Variants in ACLY observed in about 807,000 individuals in gnomAD.
ACLY encodes ATP citrate lyase, also known as ATP-citrate synthase.
In ACLY, 41 loss-of-function variants were observed where a neutral mutation model predicts 133.0. The ratio of observed to expected loss-of-function variants is 0.31; its 90% confidence interval spans 0.24 to 0.40. The LOEUF is 0.40. ACLY is among the 10% of genes least tolerant of loss of function. The probability of loss-of-function intolerance (pLI) is 1.00; values close to 1 mark genes in which losing one functional copy is unlikely to be tolerated. For synonymous variants in ACLY, 495 were observed against 549.3 expected (o/e 0.90, Z 1.38); for missense variants, 1,046 against 1,453.8 (o/e 0.72, Z 4.56).
intron 7 of ACLY, 33 bp downstream of exon 7, chr17:41,907,409 C>A (rs201197177): frequency 1.5e-5 from 24 of 1,603,174 alleles, no homozygotes; most frequent in Non-Finnish European, 1.9e-5. Flanking sequence ...CGCCCTCCCC[C>A]CAGTCCCCAT....
rs1567879204 is a variant in ACLY at position 41,867,617 on chromosome 17, AT to A, written c.*192del. 1 of 403,316 alleles carries A rather than the reference AT, an allele frequency of 2.5e-6. No homozygotes were observed. The highest frequency in any genetic ancestry group is 4.4e-6 in the Non-Finnish European group (1 of 226,268). The allele number at this position is 403,316 out of a possible 1,614,324, so 25.0% of individuals were successfully genotyped here. On this transcript the variant is annotated 3_prime_UTR_variant, in exon 29 of 29. Transcript: ENST00000352035. ...TTTTATTTCTATGCTTATAAAAAAA[AT>A]ATGAAGCTTCTTTGTGTGGACTGAA...
At chr17:41,899,729 A>T (rs1225876067) in intron 11 of ACLY, among the ~76,000 whole-genome samples, 4 of 152,124 alleles carry the variant, frequency 2.6e-5, no homozygotes, top group Admixed American at 6.6e-5. Context: ...CACTGCACAT[A>T]GCAGATCCTC....
Position 41,866,978 on chromosome 17 carries a change from T to A in ACLY, c.*832A>T, listed in dbSNP as rs1385069850. The A allele has an allele frequency of 2.0e-5, 3 of 152,584 alleles. No homozygotes were observed. The highest frequency in any genetic ancestry group is 4.4e-5 in the Non-Finnish European group (3 of 68,052). 9.5% of individuals were successfully genotyped at this position (152,584 alleles called of 1,614,324 possible). ...GACTATGATAATACAGAGAAGAGACTGAGGTGGCAGCTGCCCAGAATCTTT... is the reference window on the plus strand; with the variant it reads ...GACTATGATAATACAGAGAAGAGACAGAGGTGGCAGCTGCCCAGAATCTTT... On this transcript the variant is annotated 3_prime_UTR_variant, in exon 29 of 29. Coordinates refer to ENST00000352035, the MANE Select transcript of ACLY (RefSeq NM_001096.3).
chr17:41,872,064 C>A lies in ACLY; in HGVS notation c.2761G>T (p.Val921Phe). The change falls in exon 24 of 29, where the codon GTC (valine) becomes TTC (phenylalanine). Residue 921 changes from valine to phenylalanine, a missense_variant. Around this residue, in one of 4 missense-constraint regions of ACLY, gnomAD observed 205 missense variants for 373.3 expected, o/e 0.55. Coordinates refer to ENST00000352035, the MANE Select transcript of ACLY (RefSeq NM_001096.3). ...IICARAGKDL[V>F]SSLTSGLLTI... ...AGCAGCCCCGAGGTGAGGCTGGAGA[C>A]CAGGTCTTTCCCAGCTCGCGCACAA... The A allele has an allele frequency of 6.2e-7, 1 of 1,614,056 alleles. No individual in the cohort carries two copies. The highest frequency in any genetic ancestry group is 8.5e-7 in the Non-Finnish European group (1 of 1,179,984).
intron 18 of ACLY, among the ~76,000 whole-genome samples, chr17:41,884,496 G>A (rs917264000): frequency 6.6e-6 from 1 of 152,198 alleles, no homozygotes; most frequent in African/African-American, 2.4e-5. Flanking sequence ...AACTTGCAAA[G>A]GAAAAGACTG....
At position 41,912,533 on chromosome 17, in the gene ACLY, C is replaced by T. The variant is rs1486723726; in HGVS notation, c.169G>A (p.Val57Ile). The T allele has an allele frequency of 1.2e-6, 2 of 1,614,052 alleles. No homozygotes were observed. The highest frequency in any genetic ancestry group is 2.7e-5 in the African/African-American group (2 of 74,940). ...HPWLLSQNLV[V>I]KPDQLIKRRG... The stretch of plus-strand genomic sequence containing the variant: ...CGTTTGATCAGCTGGTCTGGCTTGA[C>T]TACCAAGTTCTGGAACAAAAGCGGT... Residue 57 changes from valine (V) to isoleucine (I), a missense_variant, in exon 3 of 29, where the codon GTC (valine) becomes ATC (isoleucine). Around this residue, in one of 4 missense-constraint regions of ACLY, gnomAD observed 227 missense variants for 245.6 expected, o/e 0.92. Coordinates refer to ENST00000352035, the MANE Select transcript of ACLY (RefSeq NM_001096.3).
chr17:41,867,736 C>T lies in ACLY; in HGVS notation c.*74G>A. ...CTGCTAAATAAAGCAGGCTCCACTG[C>T]CAGCTGTCTGTACACTTTTTCTTGG... On this transcript the variant is annotated 3_prime_UTR_variant, in exon 29 of 29. Coordinates refer to ENST00000352035, the MANE Select transcript of ACLY (RefSeq NM_001096.3). 4.0e-6 allele frequency: 5 copies of T among 1,257,560 alleles called. No individual in the cohort carries two copies. The South Asian group carries it at 7.1e-5, about 18-fold the overall frequency. The allele number at this position is 1,257,560 out of a possible 1,614,324, so 77.9% of individuals were successfully genotyped here.
chr17:41,891,303 A>G (rs900320328), intron 16 of ACLY, among the ~76,000 whole-genome samples: 2 of 152,184 alleles, frequency 1.3e-5, no homozygotes, highest in Non-Finnish European at 2.9e-5. Flanking sequence ...AACACAAGCC[A>G]TGGCATCCAG....
intron 22 of ACLY, among the ~76,000 whole-genome samples, chr17:41,877,059 A>G (rs2048779552): frequency 6.6e-6 from 1 of 152,096 alleles, no homozygotes; most frequent in Non-Finnish European, 1.5e-5. Context: ...TATTTCTCCA[A>G]TTATCCTCTA....
intron 1 of ACLY, 112 bp downstream of exon 1, chr17:41,918,768 C>T (rs938822104): frequency 2.5e-6 from 3 of 1,218,126 alleles, no homozygotes; most frequent in Middle Eastern, 2.3e-4. Context: ...CCGAGCAGGG[C>T]GCGTGGGCAC....
chr17:41,894,983 G>A (rs562991193), intron 14 of ACLY, among the ~76,000 whole-genome samples: 246 of 152,274 alleles, frequency 1.6e-3, no homozygotes, highest in Middle Eastern at 3.4e-3. Context: ...CATGACAGAA[G>A]GTTCCTGATG....
chr17:41,888,473 G>GA (rs1298261724), intron 16 of ACLY, among the ~76,000 whole-genome samples: 12 of 152,362 alleles, frequency 7.9e-5, no homozygotes, highest in Middle Eastern at 3.4e-3. Flanking sequence ...GCGTTTAAGA[G>GA]AAATGAGCTG....
At position 41,886,002 on chromosome 17, in the gene ACLY, C is replaced by T. The variant is rs1361186367; in HGVS notation, c.2072+110G>A. The stretch of plus-strand genomic sequence containing the variant: ...CCATTGTTTAGACTTCAGCAGCATT[C>T]CTGCGGGCCTGGAACTCAGGGGCAG... On this transcript the variant is annotated intron_variant, in intron 18 of 28. Coordinates refer to ENST00000352035, the MANE Select transcript of ACLY (RefSeq NM_001096.3). 3.8e-6 allele frequency: 4 copies of T among 1,040,998 alleles called. No individual in the cohort carries two copies. The African/African-American group carries it at 6.3e-5, about 16-fold the overall frequency. 64.5% of individuals were successfully genotyped at this position (1,040,998 alleles called of 1,614,324 possible). A position where few individuals can be genotyped will look rare whatever the true frequency, so the allele number is the denominator to read the frequency against.
At chr17:41,893,253 A>T in intron 14 of ACLY, 79 bp from the exon 15 acceptor site, 1 of 1,482,222 alleles carries the variant, frequency 6.7e-7, no homozygotes, top group East Asian at 2.4e-5. Flanking sequence ...TGCCTGACAG[A>T]CCCCTCCACG....
At chr17:41,886,493 T>C (rs1217879641) in intron 17 of ACLY, among the ~76,000 whole-genome samples, 185 bp from the exon 18 acceptor site, 1 of 152,194 alleles carries the variant, frequency 6.6e-6, no homozygotes, top group African/African-American at 2.4e-5. Context: ...TCAAGAGACA[T>C]ACAGAACAAA....
At chr17:41,881,365 G>A (rs1399642150) in intron 20 of ACLY, among the ~76,000 whole-genome samples, 1 of 148,370 alleles carries the variant, frequency 6.7e-6, no homozygotes, top group Non-Finnish European at 1.5e-5. Flanking sequence ...AGAGGCTGCG[G>A]TGAGCTGAGA....
At chr17:41,889,984 C>A (rs1555628927) in intron 16 of ACLY, among the ~76,000 whole-genome samples, 1 of 152,148 alleles carries the variant, frequency 6.6e-6, no homozygotes, top group East Asian at 1.9e-4. Context: ...CAAACCTGCA[C>A]CTTCTGATGC....
At chr17:41,912,600 T>C (rs1465995979) in intron 2 of ACLY, 58 bp from the exon 3 acceptor site, 1 of 1,606,842 alleles carries the variant, frequency 6.2e-7, no homozygotes, top group African/African-American at 1.3e-5. Flanking sequence ...CCGTAGTATT[T>C]TGGGGATCCA....
chr17:41,912,223 T>C (rs1356234615), intron 3 of ACLY, among the ~76,000 whole-genome samples, 197 bp downstream of exon 3: 3 of 151,912 alleles, frequency 2.0e-5, no homozygotes, highest in Non-Finnish European at 2.9e-5. Flanking sequence ...GTTTGGATGA[T>C]GAGGGAGCTG....
Sources: allele counts gnomAD v4.1 joint callset (sites outside exome capture counted in the v4.1 genomes callset), GRCh38; gene constraint gnomAD v4.1.1; regional missense constraint gnomAD v4.1.1; transcripts MANE v1.5; gene names NCBI Gene and HGNC (gene_info 2026-07-23, HGNC 2026-07-21).